GABRB1: variants seen among roughly 807,000 people sequenced by gnomAD.
The protein encoded by GABRB1 is gamma-aminobutyric acid type A receptor subunit beta1.
In GABRB1, 17 loss-of-function variants were observed where a neutral mutation model predicts 51.6. The ratio of observed to expected loss-of-function variants is 0.33; its 90% confidence interval spans 0.23 to 0.49. GABRB1 has a LOEUF of 0.49. Among genes scored for constraint, GABRB1 ranks in the 20% least tolerant of loss-of-function variants. The pLI is 0.99. For synonymous variants in GABRB1, 247 were observed against 218.9 expected (o/e 1.13, Z -1.14); for missense variants, 410 against 600.6 (o/e 0.68, Z 3.32).
At chr4:47,373,307 G>A (rs1300473144) in intron 5 of GABRB1, among the ~76,000 whole-genome samples, 1 of 152,154 alleles carries the variant, frequency 6.6e-6, no homozygotes, top group Non-Finnish European at 1.5e-5. Context: ...TGGTTGAAAT[G>A]ACAGTGTCTG....
At chr4:47,324,641 C>T (rs530888282) in intron 5 of GABRB1, among the ~76,000 whole-genome samples, 7 of 152,320 alleles carry the variant, frequency 4.6e-5, no homozygotes, top group African/African-American at 1.7e-4. Context: ...CACAAAGGAC[C>T]TCTTTACATT....
chr4:47,338,526 A>G (rs1409403492), intron 5 of GABRB1, among the ~76,000 whole-genome samples: 1 of 152,222 alleles, frequency 6.6e-6, no homozygotes, highest in Non-Finnish European at 1.5e-5. Context: ...TGTCAAGTCC[A>G]CAGGCTAGCG....
At chr4:46,996,108 G>C (rs1723987555) in intron 1 of GABRB1, among the ~76,000 whole-genome samples, 1 of 147,136 alleles carries the variant, frequency 6.8e-6, no homozygotes, top group Admixed American at 6.8e-5. Context: ...ATTCTGAAAA[G>C]TTATAATTTA....
At chr4:47,165,740 T>C (rs1227129007) in intron 4 of GABRB1, among the ~76,000 whole-genome samples, 1 of 152,118 alleles carries the variant, frequency 6.6e-6, no homozygotes, top group Non-Finnish European at 1.5e-5. Flanking sequence ...GTTTCCAAAA[T>C]TTCCAATTGC....
chr4:47,389,321 A>C (rs1027977554), intron 5 of GABRB1, among the ~76,000 whole-genome samples: 18 of 152,260 alleles, frequency 1.2e-4, no homozygotes, highest in Admixed American at 1.0e-3. Flanking sequence ...CTTCCTCTGC[A>C]TTCTGTTCTC....
intron 3 of GABRB1, among the ~76,000 whole-genome samples, chr4:47,127,631 T>C (rs755837241): frequency 2.8e-4 from 43 of 152,000 alleles, no homozygotes; most frequent in Non-Finnish European, 4.9e-4. Flanking sequence ...ATTCTTTTGC[T>C]CATACAGTAT....
At chr4:47,167,309 T>C (rs1300275613) in intron 4 of GABRB1, among the ~76,000 whole-genome samples, 1 of 152,092 alleles carries the variant, frequency 6.6e-6, no homozygotes, top group Admixed American at 6.6e-5. Context: ...GCCCCAGCCA[T>C]GTGCGCGCTG....
At chr4:46,998,583 AAT>A (rs1336790576) in intron 1 of GABRB1, among the ~76,000 whole-genome samples, 6 of 152,046 alleles carry the variant, frequency 3.9e-5, no homozygotes, top group African/African-American at 1.2e-4. Flanking sequence ...AATACAAAAA[AAT>A]TAGCCAGGCG....
At chr4:47,203,017 T>C (rs1317347972) in intron 4 of GABRB1, among the ~76,000 whole-genome samples, 1 of 152,144 alleles carries the variant, frequency 6.6e-6, no homozygotes, top group African/African-American at 2.4e-5. Flanking sequence ...ATGAAGACTC[T>C]ACTGCCTCCA....
Position 47,254,361 on chromosome 4 carries a change from G to GTTTTTTTTTTTTTTT in GABRB1, c.462-65749_462-65735dup, listed in dbSNP as rs56838956. 3.0e-4 allele frequency among the ~76,000 whole-genome samples: 24 copies of GTTTTTTTTTTTTTTT among 80,966 alleles called. 4 individuals are homozygous for GTTTTTTTTTTTTTTT. The highest frequency in any genetic ancestry group is 4.7e-4 in the African/African-American group (9 of 19,290). 53.1% of individuals were successfully genotyped at this position (80,966 alleles called of 152,430 possible). A position where few individuals can be genotyped will look rare whatever the true frequency, so the allele number is the denominator to read the frequency against. On this transcript the variant is annotated intron_variant, in intron 4 of 8. Coordinates refer to ENST00000295454, the MANE Select transcript of GABRB1 (RefSeq NM_000812.4). ...ATGGTGGATGATGTTTCTTTTCTTT[G>GTTTTTTTTTTTTTTT]TTTTTTTTTTTTTTTTTTTTTTTTT...
At position 47,382,074 on chromosome 4, in the gene GABRB1, T is replaced by G. The variant is rs527560759; in HGVS notation, c.545-21244T>G. On this transcript the variant is annotated intron_variant, in intron 5 of 8. Coordinates refer to ENST00000295454, the MANE Select transcript of GABRB1 (RefSeq NM_000812.4). ...TTACAAAACGATTTTGCATCTTCCCTTCTTAAATCTTCTATCCTAATAGAA... is the reference window on the plus strand; with the variant it reads ...TTACAAAACGATTTTGCATCTTCCCGTCTTAAATCTTCTATCCTAATAGAA... Among the ~76,000 whole-genome samples the G allele has an allele frequency of 5.3e-5, 8 of 152,320 alleles. No homozygotes were observed. The South Asian group carries it at 1.7e-3, about 32-fold the overall frequency.
upstream of GABRB1, among the ~76,000 whole-genome samples, chr4:47,031,103 C>T (rs760395524): frequency 7.9e-5 from 12 of 152,082 alleles, no homozygotes; most frequent in Non-Finnish European, 1.3e-4. Flanking sequence ...CCTTTAGTAA[C>T]TCTCCCGTTC....
intron 3 of GABRB1, among the ~76,000 whole-genome samples, chr4:47,119,480 T>A (rs778326255): frequency 6.6e-6 from 1 of 151,136 alleles, no homozygotes; most frequent in Non-Finnish European, 1.5e-5. Context: ...ATCACAAAAC[T>A]CAGATTGACA....
chr4:47,218,098 T>C (rs1194788058), intron 4 of GABRB1, among the ~76,000 whole-genome samples: 1 of 151,956 alleles, frequency 6.6e-6, no homozygotes, highest in Non-Finnish European at 1.5e-5. Flanking sequence ...TTTGTCTTTC[T>C]GTGCCTGGTT....
chr4:47,277,197 C>T (rs1251744078), intron 4 of GABRB1, among the ~76,000 whole-genome samples: 1 of 151,964 alleles, frequency 6.6e-6, no homozygotes, highest in Non-Finnish European at 1.5e-5. Flanking sequence ...GAGTGAGATC[C>T]AACCATTTGC....
chr4:47,083,093 G>A (rs1405280302), intron 3 of GABRB1, among the ~76,000 whole-genome samples: 3 of 152,074 alleles, frequency 2.0e-5, no homozygotes, highest in African/African-American at 4.8e-5. Context: ...AAGAAGAAAA[G>A]GATAGATTAC....
At chr4:47,262,941 G>A (rs867700230) in intron 4 of GABRB1, among the ~76,000 whole-genome samples, 1 of 150,304 alleles carries the variant, frequency 6.7e-6, no homozygotes, top group Non-Finnish European at 1.5e-5. Context: ...ACTATTGCAA[G>A]GACAAAAAAC....
intron 1 of GABRB1, among the ~76,000 whole-genome samples, chr4:47,007,151 A>AG (rs1226338296): frequency 6.6e-6 from 1 of 151,892 alleles, no homozygotes; most frequent in African/African-American, 2.4e-5. Flanking sequence ...ATAAAAAAAA[A>AG]AAGAAAAAGA....
chr4:47,381,303 GACT>G (rs1727588426), intron 5 of GABRB1, among the ~76,000 whole-genome samples: 1 of 152,126 alleles, frequency 6.6e-6, no homozygotes, highest in South Asian at 2.1e-4. Flanking sequence ...CTCCACTGGT[GACT>G]GGGCATTTTG....
Sources: gnomAD v4.1 joint callset for allele counts (sites outside exome capture counted in the v4.1 genomes callset) on GRCh38, gnomAD v4.1.1 for gene constraint, MANE v1.5 for transcripts, NCBI Gene and HGNC (gene_info 2026-07-23, HGNC 2026-07-21) for gene names.